Variants in MTX2 observed in about 807,000 individuals in gnomAD.
MTX2 encodes the protein metaxin 2.
A neutral mutation model predicts 42.3 loss-of-function variants in MTX2; 35 were observed. That is an observed-to-expected ratio of 0.83 (90% CI 0.63 to 1.10). The LOEUF is 1.10. Ranked by LOEUF, MTX2 falls within the 50% of genes least tolerant of loss-of-function variation. MTX2 has a pLI of 0.00. For missense variants in MTX2, 307 were observed against 304.1 expected (o/e 1.01, Z -0.07); for synonymous variants, 119 against 100.9 (o/e 1.18, Z -1.08).
chr2:176,312,756 G>A (rs1008922044), intron 3 of MTX2, among the ~76,000 whole-genome samples: 5 of 150,934 alleles, frequency 3.3e-5, no homozygotes, highest in African/African-American at 1.2e-4. Context: ...CCAGCTACTC[G>A]TGAGGCTGAG....
chr2:176,291,937 TAGAG>T (rs962515712), intron 1 of MTX2, among the ~76,000 whole-genome samples: 2 of 152,084 alleles, frequency 1.3e-5, no homozygotes, highest in African/African-American at 4.8e-5. Flanking sequence ...GGTAGGCTGA[TAGAG>T]AGGGTAACTT....
intron 1 of MTX2, among the ~76,000 whole-genome samples, chr2:176,294,999 TA>T: frequency 6.6e-6 from 1 of 152,314 alleles, no homozygotes. Context: ...TAGATGATAA[TA>T]TTGAGTAAAA....
chr2:176,280,560 A>G (rs867391676), intron 1 of MTX2, among the ~76,000 whole-genome samples: 1 of 152,236 alleles, frequency 6.6e-6, no homozygotes, highest in Non-Finnish European at 1.5e-5. Flanking sequence ...AGATATAACC[A>G]TATCCACACA....
chr2:176,278,058 T>G (rs1431210760), intron 1 of MTX2, among the ~76,000 whole-genome samples: 1 of 138,258 alleles, frequency 7.2e-6, no homozygotes, highest in African/African-American at 2.8e-5. Context: ...TTTTTTTTTT[T>G]TTTTTTTTTT....
chr2:176,308,870 G>GT (rs1328908050), intron 3 of MTX2, among the ~76,000 whole-genome samples: 1 of 152,008 alleles, frequency 6.6e-6, no homozygotes, highest in South Asian at 2.1e-4. Context: ...ATTTTGAAGG[G>GT]TTTTTTGTGT....
rs553282400 is a variant in MTX2 at position 176,286,550 on chromosome 2, C to CT, written c.41-10296dup. Among the ~76,000 whole-genome samples the CT allele has an allele frequency of 9.0e-3, 1,273 of 142,122 alleles. 9 individuals are homozygous for CT. The highest frequency in any genetic ancestry group is 0.036 in the East Asian group (176 of 4,922). The allele number at this position is 142,122 out of a possible 152,430, so 93.2% of individuals were successfully genotyped here. On this transcript the variant is annotated intron_variant, in intron 1 of 9. Transcript: ENST00000249442. Reference sequence around the variant, plus strand: ...TCATTCATTATTACTCACTCTGAGTCTTTTTTTTTTTTTTCTGAGATGGAG... The same window carrying CT: ...TCATTCATTATTACTCACTCTGAGTCTTTTTTTTTTTTTTTCTGAGATGGAG...
intron 1 of MTX2, among the ~76,000 whole-genome samples, chr2:176,287,873 C>T (rs955693790): frequency 2.0e-4 from 30 of 150,212 alleles, no homozygotes; most frequent in African/African-American, 6.1e-4. Flanking sequence ...GTAGCCTTAC[C>T]ACTGTGCTAT....
intron 1 of MTX2, among the ~76,000 whole-genome samples, chr2:176,283,101 A>G (rs1693119738): frequency 6.6e-6 from 1 of 152,250 alleles, no homozygotes; most frequent in African/African-American, 2.4e-5. Flanking sequence ...AGTTTGGCCA[A>G]CATAACTCAC....
At chr2:176,295,595 A>G (rs1441743842) in intron 1 of MTX2, among the ~76,000 whole-genome samples, 1 of 152,172 alleles carries the variant, frequency 6.6e-6, no homozygotes, top group Non-Finnish European at 1.5e-5. Context: ...TTTTCATGGC[A>G]TTATCTCTAA....
At chr2:176,272,255 G>A (rs1162261909) in intron 1 of MTX2, among the ~76,000 whole-genome samples, 1 of 152,126 alleles carries the variant, frequency 6.6e-6, no homozygotes, top group East Asian at 1.9e-4. Context: ...GGGGACAGAG[G>A]TGAGAGATGG....
chr2:176,288,974 A>G (rs1693268401), intron 1 of MTX2, among the ~76,000 whole-genome samples: 1 of 152,080 alleles, frequency 6.6e-6, no homozygotes, highest in Admixed American at 6.6e-5. Context: ...GAATAAATAG[A>G]TACATAATCC....
At chr2:176,328,751 C>G (rs969905072) in intron 6 of MTX2, 123 bp from the exon 7 acceptor site, 1 of 837,440 alleles carries the variant, frequency 1.2e-6, no homozygotes, top group African/African-American at 1.7e-5. Context: ...CTAAGAAAAA[C>G]AAACCGCTAC....
intron 3 of MTX2, among the ~76,000 whole-genome samples, chr2:176,314,975 A>G (rs888159130): frequency 6.6e-6 from 1 of 152,214 alleles, no homozygotes; most frequent in Non-Finnish European, 1.5e-5. Flanking sequence ...GATAAGTATC[A>G]TACCTGCAGG....
At position 176,323,419 on chromosome 2, in the gene MTX2, A is replaced by G. The variant is rs374001913; in HGVS notation, c.163A>G (p.Ile55Val). ...CTTTTTGCAAATGTGTAACTTGCCT[A>G]TCAAAGTAGTTTGTAGGGCAAATGC... ...QAFLQMCNLPIKVVCRANAEY... is the reference protein window; with the variant it reads ...QAFLQMCNLPVKVVCRANAEY... Residue 55 changes from isoleucine (I) to valine (V), a missense_variant, in exon 4 of 10, where the codon ATC (isoleucine) becomes GTC (valine). Coordinates refer to ENST00000249442, the MANE Select transcript of MTX2 (RefSeq NM_006554.5). 3.1e-6 allele frequency: 5 copies of G among 1,611,374 alleles called. No homozygotes were observed. The highest frequency in any genetic ancestry group is 1.3e-5 in the African/African-American group (1 of 74,804).
At chr2:176,327,502 A>G (rs1031770115) in intron 5 of MTX2, among the ~76,000 whole-genome samples, 1 of 150,624 alleles carries the variant, frequency 6.6e-6, no homozygotes. Context: ...CTGTAGGTAT[A>G]TATCATCCTT....
At chr2:176,307,947 T>G (rs909198763) in intron 3 of MTX2, among the ~76,000 whole-genome samples, 1 of 152,006 alleles carries the variant, frequency 6.6e-6, no homozygotes, top group Non-Finnish European at 1.5e-5. Context: ...TCAATAGGAG[T>G]GGTGAGAGAG....
At chr2:176,321,282 G>A (rs1684577303) in intron 3 of MTX2, among the ~76,000 whole-genome samples, 1 of 152,240 alleles carries the variant, frequency 6.6e-6, no homozygotes, top group South Asian at 2.1e-4. Flanking sequence ...TTGTGGGTCA[G>A]TCAGGAAGCT....
intron 9 of MTX2, among the ~76,000 whole-genome samples, chr2:176,335,275 G>A (rs1011809510): frequency 6.6e-6 from 1 of 152,004 alleles, no homozygotes; most frequent in Non-Finnish European, 1.5e-5. Flanking sequence ...AGTTTGTTAC[G>A]TTCAAATGCA....
intron 3 of MTX2, among the ~76,000 whole-genome samples, chr2:176,308,981 G>A (rs190788075): frequency 3.3e-5 from 5 of 152,140 alleles, no homozygotes; most frequent in East Asian, 1.9e-4. Context: ...TAATTGTGAT[G>A]TTAGGGTGTC....
Sources: allele counts gnomAD v4.1 joint callset (sites outside exome capture counted in the v4.1 genomes callset), GRCh38; gene constraint gnomAD v4.1.1; transcripts MANE v1.5; gene names NCBI Gene and HGNC (gene_info 2026-07-23, HGNC 2026-07-21).